Variants in GNAQ observed in about 807,000 individuals in gnomAD.
GNAQ encodes guanine nucleotide-binding protein G(q) subunit alpha.
GNAQ carries 8 observed loss-of-function variants against 43.9 expected under a neutral mutation model. The ratio of observed to expected loss-of-function variants is 0.18; its 90% confidence interval spans 0.11 to 0.33. The LOEUF is 0.33. Among genes scored for constraint, GNAQ ranks in the 10% least tolerant of loss-of-function variants. The probability of loss-of-function intolerance (pLI) is 1.00; values close to 1 mark genes in which losing one functional copy is unlikely to be tolerated. For synonymous variants in GNAQ, 155 were observed against 170.7 expected, an observed-to-expected ratio of 0.91 and a Z score of 0.71; for missense variants, 158 against 450.8, an observed-to-expected ratio of 0.35 and a Z score of 5.88.
intron 2 of GNAQ, among the ~76,000 whole-genome samples, chr9:77,852,651 T>C (rs1827688980): frequency 6.6e-6 from 1 of 152,230 alleles, no homozygotes; most frequent in Non-Finnish European, 1.5e-5. Flanking sequence ...CTGCTAACTT[T>C]GGGACTACGT....
intron 1 of GNAQ, among the ~76,000 whole-genome samples, chr9:77,981,710 C>A (rs1823371025): frequency 6.6e-6 from 1 of 152,158 alleles, no homozygotes; most frequent in Admixed American, 6.5e-5. Context: ...TTTCTCATGT[C>A]CCTAGCCTTA....
chr9:77,793,149 CA>C (rs1335625330), intron 5 of GNAQ, among the ~76,000 whole-genome samples: 4 of 152,098 alleles, frequency 2.6e-5, no homozygotes, highest in Non-Finnish European at 5.9e-5. Flanking sequence ...TAAAGATATA[CA>C]GATAAAGATA....
At chr9:77,905,141 G>C (rs1284407914) in intron 2 of GNAQ, among the ~76,000 whole-genome samples, 2 of 152,182 alleles carry the variant, frequency 1.3e-5, no homozygotes, top group African/African-American at 4.8e-5. Context: ...GGCAAATCCA[G>C]AAGTTGCCCA....
intron 2 of GNAQ, among the ~76,000 whole-genome samples, chr9:77,827,925 T>C (rs1827224882): frequency 6.6e-6 from 1 of 151,040 alleles, no homozygotes. Context: ...CCGGGCATGG[T>C]GGCAGGCACC....
rs897152799 is a variant in GNAQ at position 77,925,972 on chromosome 9, G to C, written c.137-3627C>G. The stretch of plus-strand genomic sequence containing the variant: ...CAATGTAAATGCTATGTAAATAGTT[G>C]TCATACTGTATTGTCATTTGTATTA... On this transcript the variant is annotated intron_variant, in intron 1 of 6. Coordinates refer to ENST00000286548, the MANE Select transcript of GNAQ (RefSeq NM_002072.5). Among the ~76,000 whole-genome samples the C allele has an allele frequency of 3.3e-5, 5 of 152,182 alleles. No individual in the cohort carries two copies. In the South Asian group the frequency reaches 1.0e-3, roughly 32 times the overall value.
chr9:77,891,751 GACCAAACA>G (rs1286160968), intron 2 of GNAQ, among the ~76,000 whole-genome samples: 1 of 152,172 alleles, frequency 6.6e-6, no homozygotes, highest in Non-Finnish European at 1.5e-5. Flanking sequence ...CAATAACACA[GACCAAACA>G]ACTGTGTGCA....
intron 2 of GNAQ, among the ~76,000 whole-genome samples, chr9:77,882,342 C>T (rs1386184914): frequency 6.6e-6 from 1 of 151,950 alleles, no homozygotes; most frequent in African/African-American, 2.4e-5. Context: ...TTAAATAACC[C>T]AAATTGAACC....
At chr9:77,785,408 A>G (rs1826459646) in intron 5 of GNAQ, among the ~76,000 whole-genome samples, 1 of 152,188 alleles carries the variant, frequency 6.6e-6, no homozygotes, top group East Asian at 1.9e-4. Context: ...ACCGGGGAGA[A>G]TAAGTTTCTG....
At chr9:77,898,811 C>A (rs1828546126) in intron 2 of GNAQ, among the ~76,000 whole-genome samples, 1 of 151,970 alleles carries the variant, frequency 6.6e-6, no homozygotes, top group Non-Finnish European at 1.5e-5. Flanking sequence ...GTATTTTTTA[C>A]AACATATACA....
intron 1 of GNAQ, among the ~76,000 whole-genome samples, chr9:77,948,337 C>A (rs1356368702): frequency 6.6e-6 from 1 of 152,230 alleles, no homozygotes; most frequent in Non-Finnish European, 1.5e-5. Context: ...AGGAACCTCA[C>A]TGGACTGCAG....
At chr9:77,770,938 AT>A (rs1214329982) in intron 5 of GNAQ, among the ~76,000 whole-genome samples, 13 of 150,542 alleles carry the variant, frequency 8.6e-5, no homozygotes, top group African/African-American at 2.0e-4. Flanking sequence ...TCTGAAAAAA[AT>A]AAAACATTTT....
At chr9:78,000,141 T>A (rs1203824741) in intron 1 of GNAQ, among the ~76,000 whole-genome samples, 1 of 152,220 alleles carries the variant, frequency 6.6e-6, no homozygotes, top group African/African-American at 2.4e-5. Context: ...TAATCTATCA[T>A]CTTAAATTAC....
chr9:77,959,705 C>T (rs968287035), intron 1 of GNAQ, among the ~76,000 whole-genome samples: 22 of 152,086 alleles, frequency 1.4e-4, no homozygotes, highest in Non-Finnish European at 2.8e-4. Flanking sequence ...TTTTTCTCTT[C>T]CTACCTTGCA....
At chr9:78,029,370 CTT>C (rs1334645953) in intron 1 of GNAQ, among the ~76,000 whole-genome samples, 4 of 151,786 alleles carry the variant, frequency 2.6e-5, no homozygotes, top group Non-Finnish European at 4.4e-5. Flanking sequence ...TTAAAACACT[CTT>C]ATTTCTTTTG....
At chr9:77,777,054 A>T (rs1396641625) in intron 5 of GNAQ, among the ~76,000 whole-genome samples, 1 of 152,116 alleles carries the variant, frequency 6.6e-6, no homozygotes, top group Non-Finnish European at 1.5e-5. Context: ...AGTGTAATAG[A>T]ACTGAGAATT....
chr9:77,931,693 ATAT>A (rs1346530411), intron 1 of GNAQ, among the ~76,000 whole-genome samples: 1 of 152,118 alleles, frequency 6.6e-6, no homozygotes, highest in Non-Finnish European at 1.5e-5. Flanking sequence ...TCCTACCTAC[ATAT>A]TATGCATATG....
chr9:77,881,120 CACT>C, intron 2 of GNAQ, among the ~76,000 whole-genome samples: 1 of 152,270 alleles, frequency 6.6e-6, no homozygotes, highest in East Asian at 1.9e-4. Context: ...AAGCCCCTGA[CACT>C]ACTATCTATT....
At chr9:77,770,620 A>G (rs1233173319) in intron 5 of GNAQ, among the ~76,000 whole-genome samples, 1 of 152,226 alleles carries the variant, frequency 6.6e-6, no homozygotes, top group African/African-American at 2.4e-5. Context: ...ATTTAGTCAG[A>G]TGGCTCGGAC....
intron 1 of GNAQ, among the ~76,000 whole-genome samples, chr9:78,016,152 C>T (rs991300831): frequency 2.6e-5 from 4 of 151,976 alleles, no homozygotes; most frequent in Non-Finnish European, 4.4e-5. Flanking sequence ...AGAAAAGAGA[C>T]GTAAATTTTT....
Sources: gnomAD v4.1 joint callset for allele counts (sites outside exome capture counted in the v4.1 genomes callset) on GRCh38, gnomAD v4.1.1 for gene constraint, MANE v1.5 for transcripts, NCBI Gene and HGNC (gene_info 2026-07-23, HGNC 2026-07-21) for gene names.